The following NUFIP2 variants were observed in gnomAD, a reference collection of about 807,000 sequenced individuals.
NUFIP2 encodes the protein nuclear FMR1 interacting protein 2.
A neutral mutation model predicts 56.9 loss-of-function variants in NUFIP2; 6 were observed. The observed-to-expected ratio is 0.11, with a 90% CI of 0.06 to 0.21. The LOEUF (loss-of-function observed/expected upper bound fraction) is 0.21. NUFIP2 is among the 10% of genes least tolerant of loss of function. NUFIP2 has a pLI of 1.00. For missense variants in NUFIP2, 828 were observed against 826.8 expected (o/e 1.00, Z -0.02); for synonymous variants, 321 against 298.2 (o/e 1.08, Z -0.79).
intron 2 of NUFIP2, among the ~76,000 whole-genome samples, chr17:29,283,130 G>A (rs895810751): frequency 3.9e-5 from 6 of 152,060 alleles, no homozygotes; most frequent in Admixed American, 2.6e-4. Context: ...ATTAATACCA[G>A]CAAAACTAAA....
Position 29,294,106 on chromosome 17 carries a change from G to T in NUFIP2, c.-47C>A. 1 of 1,552,392 alleles carries T rather than the reference G, an allele frequency of 6.4e-7. No individual in the cohort carries two copies. The highest frequency in any genetic ancestry group is 8.7e-7 in the Non-Finnish European group (1 of 1,148,772). ...GGCTGAGGCTGCGGGCTGCTGCACC[G>T]TCAGGATCTGAGACTGCTTCTCAGG... On this transcript the variant is annotated 5_prime_UTR_variant, in exon 1 of 4. Transcript: ENST00000225388.
chr17:29,280,761 G>A (rs1273801953), intron 2 of NUFIP2, among the ~76,000 whole-genome samples: 2 of 152,096 alleles, frequency 1.3e-5, no homozygotes, highest in African/African-American at 2.4e-5. Context: ...GGAGGTGGGC[G>A]GAGAACTTGA....
intron 1 of NUFIP2, among the ~76,000 whole-genome samples, chr17:29,291,012 C>T (rs770220993): frequency 1.1e-4 from 17 of 148,476 alleles, no homozygotes; most frequent in Non-Finnish European, 2.2e-4. Flanking sequence ...AGCCACTGTG[C>T]TCCCGCCCGC....
Position 29,286,528 on chromosome 17 carries a change from T to A in NUFIP2, c.1466A>T (p.Asp489Val), listed in dbSNP as rs1191891934. The change falls in exon 2 of 4, where the codon GAT becomes GTT. Residue 489 changes from aspartate (D) to valine (V), a missense_variant. Physicochemically the swap from Asp to Val is radical, Grantham distance 152 (BLOSUM62 -3). Coordinates refer to ENST00000225388, the MANE Select transcript of NUFIP2 (RefSeq NM_020772.3). ...TTGCTGATCTGTCTGAGAGGGCAGA[T>A]CCACTTGTGCTGTGCTCAACAGCAT... ...QTMLLSTAQVDLPSQTDQQNL... is the reference protein window; with the variant it reads ...QTMLLSTAQVVLPSQTDQQNL... 1.9e-6 allele frequency: 3 copies of A among 1,614,048 alleles called. No homozygotes were observed. Among genetic ancestry groups the A allele is most frequent in the Non-Finnish European group, 1.7e-6 (2 of 1,180,038 alleles).
rs2069187409 is a variant in NUFIP2 at position 29,287,777 on chromosome 17, C to T, written c.278-61G>A. ...TCACAACATGTAAATTACACTAATA[C>T]CTAACATTTAAGAACTATTTACTGT... On this transcript the variant is annotated intron_variant, in intron 1 of 3. Transcript: ENST00000225388. 9 of 1,423,508 alleles carry T rather than the reference C, an allele frequency of 6.3e-6. No individual in the cohort carries two copies. In the East Asian group the frequency reaches 2.1e-4, roughly 34 times the overall value. The allele number at this position is 1,423,508 out of a possible 1,614,324, so 88.2% of individuals were successfully genotyped here.
chr17:29,290,530 A>G (rs1598436778), intron 1 of NUFIP2, among the ~76,000 whole-genome samples: 1 of 151,616 alleles, frequency 6.6e-6, no homozygotes, highest in African/African-American at 2.4e-5. Context: ...GCATGGTAGC[A>G]TATGCCTGTA....
At chr17:29,282,141 T>C (rs1366729657) in intron 2 of NUFIP2, among the ~76,000 whole-genome samples, 3 of 152,026 alleles carry the variant, frequency 2.0e-5, no homozygotes, top group Admixed American at 6.6e-5. Flanking sequence ...TAAAAATCCA[T>C]AGTACGCTTA....
Position 29,286,312 on chromosome 17 carries a change from AAC to A in NUFIP2, c.1680_1681del (p.Phe561SerfsTer11). 1.2e-6 allele frequency: 2 copies of A among 1,614,174 alleles called. No homozygotes were observed. The highest frequency in any genetic ancestry group is 1.7e-6 in the Non-Finnish European group (2 of 1,180,022). ...TTTCTCCAGCTCGTAAGCCTTGGGA[AAC>A]ACAGGATGCTCAGTTCCTGAGGGAA... On this transcript the variant is annotated frameshift_variant, in exon 2 of 4. Transcript: ENST00000225388. LOFTEE classifies it high-confidence loss of function.
chr17:29,275,506 A>C (rs1261478342), intron 2 of NUFIP2, among the ~76,000 whole-genome samples: 2 of 152,210 alleles, frequency 1.3e-5, no homozygotes, highest in Non-Finnish European at 2.9e-5. Context: ...ATTCAAACTA[A>C]GGAATTTACA....
rs1177793814 is a variant in NUFIP2, at chr17:29,257,113, A to G, written c.*7426T>C. On this transcript the variant is annotated 3_prime_UTR_variant, in exon 4 of 4. Coordinates refer to ENST00000225388, the MANE Select transcript of NUFIP2 (RefSeq NM_020772.3). ...GAGCATCCAATGATTTGTAAAGCTG[A>G]TAAAACTGCCCTGTTTCAAGAAAAG... 6.6e-6 allele frequency: 1 copy of G among 152,224 alleles called. No individual in the cohort carries two copies. Among genetic ancestry groups the G allele is most frequent in the African/African-American group, 2.4e-5 (1 of 41,466 alleles). 9.4% of individuals were successfully genotyped at this position (152,224 alleles called of 1,614,324 possible).
intron 3 of NUFIP2, among the ~76,000 whole-genome samples, chr17:29,265,305 A>T (rs1407673800): frequency 3.7e-3 from 502 of 135,648 alleles, no homozygotes; most frequent in Non-Finnish European, 5.2e-3. Flanking sequence ...ATTTTATTTT[A>T]TTTTTTTTTT....
At chr17:29,272,478 G>A (rs931119334) in intron 2 of NUFIP2, among the ~76,000 whole-genome samples, 4 of 152,140 alleles carry the variant, frequency 2.6e-5, no homozygotes, top group African/African-American at 4.8e-5. Context: ...CTGACCTTGT[G>A]ATCTGCCCGC....
chr17:29,267,810 AC>A (rs1297435929), intron 2 of NUFIP2, among the ~76,000 whole-genome samples: 1 of 151,886 alleles, frequency 6.6e-6, no homozygotes, highest in Admixed American at 6.6e-5. Context: ...ATGCCATCAC[AC>A]CCAGCTAATT....
At chr17:29,280,527 G>A (rs1007060206) in intron 2 of NUFIP2, among the ~76,000 whole-genome samples, 1 of 151,976 alleles carries the variant, frequency 6.6e-6, no homozygotes, top group Non-Finnish European at 1.5e-5. Flanking sequence ...AGGAATTCCA[G>A]ACCAGCCCAG....
chr17:29,276,680 C>A (rs1314958450), intron 2 of NUFIP2, among the ~76,000 whole-genome samples: 1 of 152,124 alleles, frequency 6.6e-6, no homozygotes, highest in East Asian at 1.9e-4. Flanking sequence ...CACTATTAGA[C>A]CAAGTTTCTT....
chr17:29,276,614 A>G (rs1287966541), intron 2 of NUFIP2, among the ~76,000 whole-genome samples: 1 of 152,186 alleles, frequency 6.6e-6, no homozygotes, highest in Non-Finnish European at 1.5e-5. Flanking sequence ...CTGGGATTAC[A>G]GGTGTGAGCC....
At position 29,261,336 on chromosome 17, in the gene NUFIP2, CTAA is replaced by C. The variant is rs1462376999; in HGVS notation, c.*3200_*3202del. 8 of 152,024 alleles carry C rather than the reference CTAA, an allele frequency of 5.3e-5. No individual in the cohort carries two copies. The highest frequency in any genetic ancestry group is 1.0e-4 in the Non-Finnish European group (7 of 67,964). 9.4% of individuals were successfully genotyped at this position (152,024 alleles called of 1,614,324 possible). A position where few individuals can be genotyped will look rare whatever the true frequency, so the allele number is the denominator to read the frequency against. On this transcript the variant is annotated 3_prime_UTR_variant, in exon 4 of 4. Coordinates refer to ENST00000225388, the MANE Select transcript of NUFIP2 (RefSeq NM_020772.3). Reference sequence around the variant, plus strand: ...TAAATACAAGTTCATTCTCTGAATACTAATGTCTTATACACATTCATTTACTAA... The same window carrying C: ...TAAATACAAGTTCATTCTCTGAATACTGTCTTATACACATTCATTTACTAA...
chr17:29,271,321 G>A (rs560867171), intron 2 of NUFIP2, among the ~76,000 whole-genome samples: 1 of 151,830 alleles, frequency 6.6e-6, no homozygotes, highest in East Asian at 2.0e-4. Flanking sequence ...GGTGGATCAC[G>A]AGGTAAGGAG....
chr17:29,269,691 G>A (rs1427902512), intron 2 of NUFIP2, among the ~76,000 whole-genome samples: 1 of 151,932 alleles, frequency 6.6e-6, no homozygotes, highest in Non-Finnish European at 1.5e-5. Flanking sequence ...ATGTTGCTCA[G>A]GCTGGTCTAT....
Sources: gnomAD v4.1 joint callset for allele counts (sites outside exome capture counted in the v4.1 genomes callset) on GRCh38, gnomAD v4.1.1 for gene constraint, MANE v1.5 for transcripts, NCBI Gene and HGNC (gene_info 2026-07-23, HGNC 2026-07-21) for gene names.